SPOCK3: variants seen among roughly 807,000 people sequenced by gnomAD.
The protein encoded by SPOCK3 is SPARC (osteonectin), cwcv and kazal like domains proteoglycan 3.
In SPOCK3, 30 loss-of-function variants were observed where a neutral mutation model predicts 56.6. The observed-to-expected ratio is 0.53, with a 90% confidence interval of 0.40 to 0.72. The LOEUF (loss-of-function observed/expected upper bound fraction) is 0.72. SPOCK3 is among the 30% of genes least tolerant of loss of function. The probability of loss-of-function intolerance (pLI) is 0.00; values close to 1 mark genes in which losing one functional copy is unlikely to be tolerated. For missense variants in SPOCK3, 527 were observed against 530.0 expected, an observed-to-expected ratio of 0.99 and a Z score of 0.06; for synonymous variants, 196 against 183.3, an observed-to-expected ratio of 1.07 and a Z score of -0.56.
intron 2 of SPOCK3, among the ~76,000 whole-genome samples, chr4:167,101,465 G>C (rs1184744510): frequency 6.6e-6 from 1 of 151,894 alleles, no homozygotes; most frequent in African/African-American, 2.4e-5. Flanking sequence ...TCAGCTGCTT[G>C]TCCTCTTCTT....
intron 2 of SPOCK3, among the ~76,000 whole-genome samples, chr4:167,088,060 AT>A (rs1463091622): frequency 1.3e-5 from 2 of 152,168 alleles, no homozygotes; most frequent in Non-Finnish European, 2.9e-5. Flanking sequence ...GAAAAAAAAA[AT>A]CTTAGAAGCA....
chr4:167,103,266 G>A (rs1237328619), intron 2 of SPOCK3, among the ~76,000 whole-genome samples: 2 of 152,056 alleles, frequency 1.3e-5, no homozygotes, highest in African/African-American at 4.8e-5. Flanking sequence ...GACCAGTTTG[G>A]CCACAGTGGG....
intron 3 of SPOCK3, among the ~76,000 whole-genome samples, chr4:167,008,110 C>A (rs1435243852): frequency 6.6e-6 from 1 of 151,844 alleles, no homozygotes; most frequent in Admixed American, 6.6e-5. Flanking sequence ...ATATTTATTT[C>A]TTGAGCTTGA....
At chr4:166,798,282 G>A (rs1476141859) in intron 6 of SPOCK3, among the ~76,000 whole-genome samples, 1 of 152,094 alleles carries the variant, frequency 6.6e-6, no homozygotes, top group Non-Finnish European at 1.5e-5. Flanking sequence ...CACACATCTC[G>A]TGTTTACTGC....
At chr4:166,794,942 C>G (rs1355391414) in intron 6 of SPOCK3, among the ~76,000 whole-genome samples, 3 of 152,058 alleles carry the variant, frequency 2.0e-5, no homozygotes, top group African/African-American at 7.2e-5. Flanking sequence ...CGCGCCGGCC[C>G]GTTTCTTAAA....
intron 7 of SPOCK3, among the ~76,000 whole-genome samples, chr4:166,788,494 T>C (rs956300476): frequency 6.6e-6 from 1 of 152,002 alleles, no homozygotes; most frequent in African/African-American, 2.4e-5. Flanking sequence ...AGAAGCTGTA[T>C]ATACTTTGCT....
intron 3 of SPOCK3, among the ~76,000 whole-genome samples, chr4:167,060,991 C>A (rs763390003): frequency 6.6e-6 from 1 of 152,158 alleles, no homozygotes; most frequent in African/African-American, 2.4e-5. Context: ...ATGTCATAAG[C>A]TTATCCCTGT....
At chr4:167,057,832 A>T (rs1755073763) in intron 3 of SPOCK3, among the ~76,000 whole-genome samples, 1 of 152,166 alleles carries the variant, frequency 6.6e-6, no homozygotes, top group Admixed American at 6.5e-5. Flanking sequence ...CCACACAATA[A>T]TAATGGGAGC....
At chr4:166,865,704 C>T (rs1043210438) in intron 6 of SPOCK3, among the ~76,000 whole-genome samples, 10 of 152,058 alleles carry the variant, frequency 6.6e-5, no homozygotes, top group African/African-American at 2.4e-4. Context: ...AATAAAATAC[C>T]TAGGAATACA....
chr4:167,109,323 TAA>T (rs1491271740), intron 2 of SPOCK3, among the ~76,000 whole-genome samples: 1 of 90,196 alleles, frequency 1.1e-5, no homozygotes, highest in Non-Finnish European at 1.9e-5. Context: ...ATTAATATAT[TAA>T]TATATATTAA....
chr4:167,038,663 CAAAAAAAAAA>C (rs558863795), intron 3 of SPOCK3, among the ~76,000 whole-genome samples: 1 of 107,990 alleles, frequency 9.3e-6, no homozygotes. Flanking sequence ...TTATTTTTTC[CAAAAAAAAAA>C]AAAAAAAAAA....
rs577433000 is a variant in SPOCK3 at position 166,993,851 on chromosome 4, T to G, written c.350+6498A>C. Among the ~76,000 whole-genome samples, 3 of 152,312 alleles carry G rather than the reference T, an allele frequency of 2.0e-5. No homozygotes were observed. In the South Asian group the frequency reaches 6.2e-4, roughly 32 times the overall value. ...ACCTTTCTCAATAATTAATGTTTATTGAGTGCTTTCATTGTGAAAAGTGCT... is the reference window on the plus strand; with the variant it reads ...ACCTTTCTCAATAATTAATGTTTATGGAGTGCTTTCATTGTGAAAAGTGCT... On this transcript the variant is annotated intron_variant, in intron 4 of 10. Transcript: ENST00000357545.
At chr4:167,133,753 T>C (rs939153553) in intron 2 of SPOCK3, among the ~76,000 whole-genome samples, 20 of 152,190 alleles carry the variant, frequency 1.3e-4, no homozygotes, top group African/African-American at 4.8e-4. Flanking sequence ...GGACATGTAA[T>C]GAATGGACAC....
At chr4:167,057,897 G>A (rs535064076) in intron 3 of SPOCK3, among the ~76,000 whole-genome samples, 28 of 152,164 alleles carry the variant, frequency 1.8e-4, no homozygotes, top group African/African-American at 6.7e-4. Context: ...AAGTTAACAA[G>A]GATACCCAGG....
chr4:167,124,483 GT>G (rs1172953545), intron 2 of SPOCK3, among the ~76,000 whole-genome samples: 1 of 152,090 alleles, frequency 6.6e-6, no homozygotes, highest in Non-Finnish European at 1.5e-5. Flanking sequence ...TGTTCTTCTA[GT>G]TCCTCATGCC....
chr4:166,744,299 A>T (rs1397838150), intron 8 of SPOCK3, among the ~76,000 whole-genome samples: 1 of 152,126 alleles, frequency 6.6e-6, no homozygotes, highest in Non-Finnish European at 1.5e-5. Flanking sequence ...GTTCTGCAAT[A>T]TTTACTGTTC....
chr4:166,943,899 A>G (rs1027197118), intron 4 of SPOCK3, among the ~76,000 whole-genome samples: 1 of 152,208 alleles, frequency 6.6e-6, no homozygotes, highest in African/African-American at 2.4e-5. Context: ...TAATCCCAGC[A>G]CTTTGGGAGG....
chr4:166,814,652 G>A (rs948684059), intron 6 of SPOCK3, among the ~76,000 whole-genome samples: 27 of 152,046 alleles, frequency 1.8e-4, no homozygotes, highest in African/African-American at 5.6e-4. Flanking sequence ...GGGGCTCTCA[G>A]GCCTTTGGCC....
At chr4:167,169,153 T>C (rs147459625) in intron 2 of SPOCK3, among the ~76,000 whole-genome samples, 1 of 152,192 alleles carries the variant, frequency 6.6e-6, no homozygotes, top group African/African-American at 2.4e-5. Flanking sequence ...ACTAGGGCAG[T>C]GCAGAAGGGA....
Sources: gnomAD v4.1 joint callset for allele counts (sites outside exome capture counted in the v4.1 genomes callset) on GRCh38, gnomAD v4.1.1 for gene constraint, MANE v1.5 for transcripts, NCBI Gene and HGNC (gene_info 2026-07-23, HGNC 2026-07-21) for gene names.